Variants in ANAPC10 observed in about 807,000 individuals in gnomAD.
ANAPC10 encodes anaphase promoting complex subunit 10, also known as anaphase-promoting complex subunit 10.
ANAPC10 carries 12 observed loss-of-function variants against 22.0 expected under a neutral mutation model. The observed-to-expected ratio is 0.55, with a 90% CI of 0.35 to 0.88. ANAPC10 has a LOEUF of 0.88. ANAPC10 is among the 40% of genes least tolerant of loss of function. The probability of loss-of-function intolerance (pLI) is 0.01; values close to 1 mark genes in which losing one functional copy is unlikely to be tolerated. For missense variants in ANAPC10, 188 were observed against 220.9 expected (o/e 0.85, Z 0.94); for synonymous variants, 65 against 69.5 (o/e 0.94, Z 0.32).
At position 144,995,180 on chromosome 4, in the gene ANAPC10, G is replaced by A; in HGVS notation, c.*193C>T. 2.7e-6 allele frequency: 1 copy of A among 374,378 alleles called. No individual in the cohort carries two copies. The highest frequency in any genetic ancestry group is 4.7e-6 in the Non-Finnish European group (1 of 211,050). The allele number at this position is 374,378 out of a possible 1,614,324, so 23.2% of individuals were successfully genotyped here. On this transcript the variant is annotated 3_prime_UTR_variant, in exon 5 of 5. Coordinates refer to ENST00000507656, the MANE Select transcript of ANAPC10 (RefSeq NM_001256706.2). Reference sequence around the variant, plus strand: ...CCATTTTTAGTAATGTAAAATATGTGAGCTTTATTACATGTTAAAGAAAAT... The same window carrying A: ...CCATTTTTAGTAATGTAAAATATGTAAGCTTTATTACATGTTAAAGAAAAT...
intron 3 of ANAPC10, among the ~76,000 whole-genome samples, chr4:145,068,040 A>G (rs1261765910): frequency 6.6e-6 from 1 of 152,210 alleles, no homozygotes; most frequent in Non-Finnish European, 1.5e-5. Context: ...AACCTTGAGG[A>G]TAAAATCTAC....
At chr4:145,053,438 T>C (rs1358481647) in intron 4 of ANAPC10, among the ~76,000 whole-genome samples, 1 of 152,228 alleles carries the variant, frequency 6.6e-6, no homozygotes, top group Non-Finnish European at 1.5e-5. Context: ...CTTAATTAAG[T>C]ATAAGAAATC....
intron 4 of ANAPC10, among the ~76,000 whole-genome samples, chr4:145,050,610 C>T (rs1434416800): frequency 6.6e-6 from 1 of 152,144 alleles, no homozygotes; most frequent in East Asian, 1.9e-4. Flanking sequence ...GGTGTATCTA[C>T]CCTCATCAAC....
chr4:144,994,791 A>T lies in ANAPC10; in HGVS notation c.*582T>A, dbSNP rs1463398137. 2.0e-5 allele frequency: 3 copies of T among 152,272 alleles called. No individual in the cohort carries two copies. Among genetic ancestry groups the T allele is most frequent in the Admixed American group, 1.3e-4 (2 of 15,270 alleles). 9.4% of individuals were successfully genotyped at this position (152,272 alleles called of 1,614,324 possible). On this transcript the variant is annotated 3_prime_UTR_variant, in exon 5 of 5. Transcript: ENST00000507656. ...TACAGACAACCCTAGGGCTGTAAGT[A>T]TTCCGTGAAGGTGAATATGAGACAA...
chr4:145,090,760 C>G (rs1747557784), intron 2 of ANAPC10, among the ~76,000 whole-genome samples: 1 of 152,172 alleles, frequency 6.6e-6, no homozygotes, highest in Non-Finnish European at 1.5e-5. Context: ...AGAACAGCAT[C>G]TATCACTTAG....
intron 4 of ANAPC10, among the ~76,000 whole-genome samples, chr4:145,001,920 A>T (rs918535822): frequency 1.3e-5 from 2 of 152,148 alleles, no homozygotes; most frequent in African/African-American, 4.8e-5. Flanking sequence ...AGCTTACATT[A>T]AAAAAAGGAA....
intron 4 of ANAPC10, among the ~76,000 whole-genome samples, chr4:145,041,463 A>G (rs1303877551): frequency 6.6e-6 from 1 of 152,244 alleles, no homozygotes; most frequent in Non-Finnish European, 1.5e-5. Context: ...ACAAGTACCA[A>G]CGAACAGCCC....
At chr4:145,052,702 C>T (rs945482859) in intron 4 of ANAPC10, among the ~76,000 whole-genome samples, 3 of 151,902 alleles carry the variant, frequency 2.0e-5, no homozygotes, top group Non-Finnish European at 1.5e-5. Flanking sequence ...GAGATTGAGA[C>T]CATCCTGGGT....
chr4:145,094,906 A>G (rs1350975193), intron 2 of ANAPC10, among the ~76,000 whole-genome samples: 1 of 152,198 alleles, frequency 6.6e-6, no homozygotes, highest in African/African-American at 2.4e-5. Context: ...CTGCCACCCA[A>G]GAATTCTATC....
intron 1 of ANAPC10, chr4:145,097,777 A>C (rs151233911): frequency 2.9e-6 from 1 of 345,688 alleles, no homozygotes; most frequent in African/African-American, 2.1e-5. Context: ...AAAGATAGAA[A>C]TAAAGCCCAT....
intron 2 of ANAPC10, among the ~76,000 whole-genome samples, chr4:145,090,166 T>C (rs951003870): frequency 6.6e-6 from 1 of 152,208 alleles, no homozygotes; most frequent in East Asian, 1.9e-4. Context: ...CGAAATCCAC[T>C]GATGCACAAG....
At chr4:145,020,003 C>T (rs1392617119) in intron 4 of ANAPC10, among the ~76,000 whole-genome samples, 1 of 152,020 alleles carries the variant, frequency 6.6e-6, no homozygotes, top group Non-Finnish European at 1.5e-5. Flanking sequence ...TTCTACCAGA[C>T]TTTCAAAGAA....
In ANAPC10 at chr4:145,096,046, C is replaced by A; in HGVS notation, c.54G>T (p.Arg18Ser). 6.2e-7 allele frequency: 1 copy of A among 1,614,112 alleles called. No individual in the cohort carries two copies. Among genetic ancestry groups the A allele is most frequent in the Non-Finnish European group, 8.5e-7 (1 of 1,180,022 alleles). Residue 18 changes from arginine to serine, a missense_variant, in exon 2 of 5, where the codon AGG becomes AGT. By Grantham distance (110) the Arg-to-Ser change is moderately radical. Transcript: ENST00000507656. The stretch of plus-strand genomic sequence containing the variant: ...ACCCAATTTCCCGTACTGTTCCAGT[C>A]CTTTCCAACTGCTTGGGGTCAGCAC... The part of the protein sequence containing the change: ...PPGADPKQLE[R>S]TGTVREIGSQ...
At chr4:145,050,941 G>C (rs985472510) in intron 4 of ANAPC10, among the ~76,000 whole-genome samples, 2 of 152,196 alleles carry the variant, frequency 1.3e-5, no homozygotes, top group Non-Finnish European at 2.9e-5. Context: ...GTGTTCACTA[G>C]AGTAGCACGT....
Position 145,029,685 on chromosome 4 carries a change from TA to T in ANAPC10, c.328-34083del, listed in dbSNP as rs376482123. On this transcript the variant is annotated intron_variant, in intron 4 of 4. Transcript: ENST00000507656. ...TTCCTTGGTTAGCTGAAATATGGATTAAAAAATGGCCCACTGTGAGAGAGGT... is the reference window on the plus strand; with the variant it reads ...TTCCTTGGTTAGCTGAAATATGGATTAAAAATGGCCCACTGTGAGAGAGGT... Among the ~76,000 whole-genome samples the T allele has an allele frequency of 4.0e-3, 611 of 152,244 alleles. 6 individuals are homozygous for T. The highest frequency in any genetic ancestry group is 0.014 in the African/African-American group (565 of 41,540).
rs1299731432 is a variant in ANAPC10 at position 145,054,628 on chromosome 4, TGTGTGTGTGTGTGC to T, written c.327+9930_327+9943del. 2.2e-3 allele frequency among the ~76,000 whole-genome samples: 283 copies of T among 127,724 alleles called. 1 individual carries two copies. Among genetic ancestry groups the T allele is most frequent in the African/African-American group, 7.8e-3 (271 of 34,602 alleles). The allele number at this position is 127,724 out of a possible 152,430, so 83.8% of individuals were successfully genotyped here. The stretch of plus-strand genomic sequence containing the variant: ...TAGTGTGTGTGTGTGTGTGTGTGTG[TGTGTGTGTGTGTGC>T]GCGCGCGCGCGCGTGCGTGCAGCGC... On this transcript the variant is annotated intron_variant, in intron 4 of 4. Transcript: ENST00000507656.
rs142487395 is a variant in ANAPC10, at chr4:144,999,916, C to G, written c.328-4313G>C. ...TAACACCACATATCTACAACCATCT[C>G]ATCTTTGATTAACCTGACAAAAACA... is the stretch of plus-strand genomic sequence containing the variant. On this transcript the variant is annotated intron_variant, in intron 4 of 4. Coordinates refer to ENST00000507656, the MANE Select transcript of ANAPC10 (RefSeq NM_001256706.2). Among the ~76,000 whole-genome samples the G allele has an allele frequency of 9.8e-3, 1,486 of 152,202 alleles. 105 individuals are homozygous for G. The highest frequency in any genetic ancestry group is 0.087 in the Admixed American group (1,323 of 15,268).
intron 4 of ANAPC10, among the ~76,000 whole-genome samples, chr4:145,034,662 G>T (rs1411069975): frequency 6.6e-6 from 1 of 150,614 alleles, no homozygotes; most frequent in Non-Finnish European, 1.5e-5. Context: ...AAAATTATAT[G>T]TATATAATCC....
intron 2 of ANAPC10, among the ~76,000 whole-genome samples, chr4:145,087,221 G>A (rs1747025488): frequency 6.6e-6 from 1 of 152,138 alleles, no homozygotes; most frequent in African/African-American, 2.4e-5. Context: ...CAGCATTAGT[G>A]GAGCAAGAGC....
Sources: allele counts gnomAD v4.1 joint callset (sites outside exome capture counted in the v4.1 genomes callset), GRCh38; gene constraint gnomAD v4.1.1; transcripts MANE v1.5; gene names NCBI Gene and HGNC (gene_info 2026-07-23, HGNC 2026-07-21).